Variants in SNAP23 observed in about 807,000 individuals in gnomAD.
SNAP23 encodes synaptosome associated protein 23.
A neutral mutation model predicts 29.0 loss-of-function variants in SNAP23; 11 were observed. That is an observed-to-expected ratio of 0.38 (90% CI 0.24 to 0.63). The LOEUF (loss-of-function observed/expected upper bound fraction) is 0.63. SNAP23 is among the 20% of genes least tolerant of loss of function. The pLI is 0.58. For synonymous variants in SNAP23, 60 were observed against 82.9 expected (o/e 0.72, Z 1.50); for missense variants, 220 against 253.9 (o/e 0.87, Z 0.91).
chr15:42,528,754 T>A (rs1025879475), intron 6 of SNAP23, among the ~76,000 whole-genome samples: 4 of 151,884 alleles, frequency 2.6e-5, no homozygotes, highest in Non-Finnish European at 2.9e-5. Context: ...CCCAGCTAAT[T>A]TTTGTATTTT....
chr15:42,506,240 C>T (rs944671173), intron 1 of SNAP23, among the ~76,000 whole-genome samples: 10 of 151,684 alleles, frequency 6.6e-5, no homozygotes, highest in Admixed American at 5.9e-4. Flanking sequence ...CCACTGTGAC[C>T]GGCCCATTTC....
intron 7 of SNAP23, 85 bp from the exon 8 acceptor site, chr15:42,531,328 G>T (rs547020546): frequency 3.8e-6 from 3 of 798,636 alleles, no homozygotes; most frequent in South Asian, 2.8e-5. Context: ...GATTTTCTTG[G>T]TGTGTCAGTT....
chr15:42,512,818 G>C, intron 2 of SNAP23, 137 bp from the exon 3 acceptor site: 3 of 640,646 alleles, frequency 4.7e-6, no homozygotes, highest in Non-Finnish European at 8.4e-6. Context: ...CCAAAGTGCT[G>C]GGATTATAGG....
chr15:42,522,868 C>CA (rs1384364370), intron 5 of SNAP23, among the ~76,000 whole-genome samples: 2 of 81,646 alleles, frequency 2.4e-5, no homozygotes, highest in Non-Finnish European at 4.3e-5. Flanking sequence ...TTTTTTGAGA[C>CA]AGAGTCTCGT....
At chr15:42,501,693 T>C (rs974616133) in intron 1 of SNAP23, among the ~76,000 whole-genome samples, 1 of 152,242 alleles carries the variant, frequency 6.6e-6, no homozygotes, top group South Asian at 2.1e-4. Context: ...ATTGTAAGCA[T>C]GAGCCATCAT....
At chr15:42,528,150 C>T in intron 5 of SNAP23, 112 bp from the exon 6 acceptor site, 1 of 657,130 alleles carries the variant, frequency 1.5e-6, no homozygotes, top group Non-Finnish European at 2.4e-6. Context: ...TAGCTGTATG[C>T]AGCTTTTCTA....
chr15:42,507,186 A>G (rs948503555), intron 1 of SNAP23, among the ~76,000 whole-genome samples: 4 of 152,152 alleles, frequency 2.6e-5, no homozygotes, highest in East Asian at 3.8e-4. Flanking sequence ...TGAATAATCA[A>G]TCTGCTCTTT....
Position 42,520,132 on chromosome 15 carries a change from C to T in SNAP23, c.266+4778C>T, listed in dbSNP as rs1488695257. ...GTGGTGTGATCTCAGCTCACTGCAA[C>T]CCCTGCCTCCCAGGTTCAAGTGATT... On this transcript the variant is annotated intron_variant, in intron 5 of 7. Transcript: ENST00000249647. Among the ~76,000 whole-genome samples the T allele has an allele frequency of 4.1e-5, 6 of 147,154 alleles. No homozygotes were observed. In the Admixed American group the frequency reaches 4.2e-4, roughly 10 times the overall value.
intron 1 of SNAP23, 110 bp from the exon 2 acceptor site, chr15:42,511,720 CTGT>C (rs2141523867): frequency 2.0e-6 from 1 of 501,284 alleles, no homozygotes; most frequent in Non-Finnish European, 3.5e-6. Context: ...TTCTTTTATC[CTGT>C]TTTCCTGATA....
intron 5 of SNAP23, chr15:42,521,393 G>A (rs2057447943): frequency 1.1e-6 from 1 of 941,032 alleles, no homozygotes; most frequent in Non-Finnish European, 1.3e-6. Flanking sequence ...AAATTCTGAG[G>A]AAAAATGAAA....
At chr15:42,531,352 A>G (rs2057562495) in intron 7 of SNAP23, 61 bp from the exon 8 acceptor site, 2 of 1,215,714 alleles carry the variant, frequency 1.6e-6, no homozygotes, top group Non-Finnish European at 2.2e-6. Context: ...CCAAGTGTAA[A>G]AAGTTTAATT....
Position 42,531,569 on chromosome 15 carries a change from C to T in SNAP23, c.*91C>T, listed in dbSNP as rs552724273. 4.0e-5 allele frequency: 37 copies of T among 935,996 alleles called. No individual in the cohort carries two copies. The highest frequency in any genetic ancestry group is 2.3e-4 in the East Asian group (9 of 39,024). 58.0% of individuals were successfully genotyped at this position (935,996 alleles called of 1,614,324 possible). A position where few individuals can be genotyped will look rare whatever the true frequency, so the allele number is the denominator to read the frequency against. ...TTCAGAGTTTAAGTTTTCGGTTCCACGCTCTTCTAATTGGGAGATAATATG... is the reference window on the plus strand; with the variant it reads ...TTCAGAGTTTAAGTTTTCGGTTCCATGCTCTTCTAATTGGGAGATAATATG... On this transcript the variant is annotated 3_prime_UTR_variant, in exon 8 of 8. Transcript: ENST00000249647.
At chr15:42,526,064 T>G (rs550944112) in intron 5 of SNAP23, among the ~76,000 whole-genome samples, 27 of 152,304 alleles carry the variant, frequency 1.8e-4, no homozygotes, top group Middle Eastern at 3.4e-3. Flanking sequence ...ATCTCATTAG[T>G]TACTTTGGAA....
chr15:42,505,292 T>C (rs1421115259), intron 1 of SNAP23: 1 of 152,162 alleles, frequency 6.6e-6, no homozygotes, highest in Non-Finnish European at 1.5e-5. Context: ...CTTGAACTAC[T>C]GGCCTCAAGT....
At chr15:42,524,748 C>T (rs2057482396) in intron 5 of SNAP23, among the ~76,000 whole-genome samples, 2 of 152,070 alleles carry the variant, frequency 1.3e-5, no homozygotes, top group Admixed American at 1.3e-4. Flanking sequence ...ATCTAAGACC[C>T]TTTGGAAGGA....
At chr15:42,529,899 G>C in intron 7 of SNAP23, 80 bp downstream of exon 7, 1 of 1,452,996 alleles carries the variant, frequency 6.9e-7, no homozygotes, top group Admixed American at 2.0e-5. Context: ...TAGATACTGT[G>C]GGGGACACGG....
intron 1 of SNAP23, among the ~76,000 whole-genome samples, chr15:42,500,775 T>C (rs1397720132): frequency 1.3e-5 from 2 of 152,196 alleles, no homozygotes; most frequent in Admixed American, 1.3e-4. Context: ...AAGTGGATTA[T>C]GGAGCCAGGA....
intron 7 of SNAP23, 82 bp downstream of exon 7, chr15:42,529,901 G>A (rs929976258): frequency 1.4e-6 from 2 of 1,433,358 alleles, no homozygotes; most frequent in South Asian, 1.3e-5. Context: ...GATACTGTGG[G>A]GGACACGGTA....
intron 6 of SNAP23, 27 bp from the exon 7 acceptor site, chr15:42,529,648 A>G (rs2057542500): frequency 2.5e-6 from 4 of 1,601,702 alleles, no homozygotes; most frequent in Admixed American, 1.8e-5. Context: ...AACAAAACCT[A>G]TGGAATTAAC....
Sources: gnomAD v4.1 joint callset for allele counts (sites outside exome capture counted in the v4.1 genomes callset) on GRCh38, gnomAD v4.1.1 for gene constraint, MANE v1.5 for transcripts, NCBI Gene and HGNC (gene_info 2026-07-23, HGNC 2026-07-21) for gene names.